The following NDRG3 variants were observed in gnomAD, a reference collection of about 807,000 sequenced individuals.
NDRG3 encodes the protein NDRG family member 3, also known as protein NDRG3.
A neutral mutation model predicts 57.2 loss-of-function variants in NDRG3; 23 were observed. The ratio of observed to expected loss-of-function variants is 0.40; its 90% CI spans 0.29 to 0.57. The LOEUF (loss-of-function observed/expected upper bound fraction) is 0.57. Among genes scored for constraint, NDRG3 ranks in the 20% least tolerant of loss-of-function variants. NDRG3 has a pLI of 0.42. For synonymous variants in NDRG3, 132 were observed against 162.6 expected (o/e 0.81, Z 1.43); for missense variants, 384 against 457.3 (o/e 0.84, Z 1.46).
chr20:36,710,322 CATAA>C (rs1046792564), intron 2 of NDRG3, among the ~76,000 whole-genome samples: 13 of 151,698 alleles, frequency 8.6e-5, no homozygotes, highest in Admixed American at 3.9e-4. Flanking sequence ...GATCCTGTCT[CATAA>C]ATAAATAAAC....
At chr20:36,712,319 G>C (rs1983933255) in intron 2 of NDRG3, among the ~76,000 whole-genome samples, 1 of 150,600 alleles carries the variant, frequency 6.6e-6, no homozygotes, top group Non-Finnish European at 1.5e-5. Flanking sequence ...GTTCAGTACT[G>C]CTCATTGGGG....
chr20:36,672,794 A>C (rs1302559460), intron 8 of NDRG3, among the ~76,000 whole-genome samples: 1 of 150,790 alleles, frequency 6.6e-6, no homozygotes, highest in African/African-American at 2.4e-5. Context: ...ATGCCACTGC[A>C]CTCCGCCCTG....
intron 2 of NDRG3, among the ~76,000 whole-genome samples, chr20:36,719,605 G>A (rs1338442227): frequency 6.6e-6 from 1 of 151,888 alleles, no homozygotes; most frequent in Non-Finnish European, 1.5e-5. Context: ...GCAGGTGAAG[G>A]GCCTTGCCTT....
intron 2 of NDRG3, among the ~76,000 whole-genome samples, chr20:36,715,422 T>C (rs1984215140): frequency 6.6e-6 from 1 of 151,866 alleles, no homozygotes; most frequent in African/African-American, 2.4e-5. Context: ...ACACTAGATG[T>C]AGCACTTCAT....
intron 4 of NDRG3, 136 bp downstream of exon 4, chr20:36,688,543 G>A (rs1016734775): frequency 4.6e-5 from 30 of 655,780 alleles, no homozygotes; most frequent in Admixed American, 3.8e-4. Context: ...TACCATTAAC[G>A]AATGTAGGAA....
At chr20:36,737,161 C>G (rs984131633) in intron 1 of NDRG3, among the ~76,000 whole-genome samples, 1 of 152,126 alleles carries the variant, frequency 6.6e-6, no homozygotes, top group African/African-American at 2.4e-5. Flanking sequence ...TAGAACAAAG[C>G]AAGACCCATC....
chr20:36,733,163 A>ATACATAT (rs1179456662), intron 1 of NDRG3, among the ~76,000 whole-genome samples: 3 of 45,540 alleles, frequency 6.6e-5, no homozygotes, highest in Non-Finnish European at 1.3e-4. Flanking sequence ...AAAAAAAAAA[A>ATACATAT]AAAAAAAAAT....
At chr20:36,721,003 T>G (rs967160296) in intron 2 of NDRG3, among the ~76,000 whole-genome samples, 4 of 151,816 alleles carry the variant, frequency 2.6e-5, no homozygotes, top group Admixed American at 1.3e-4. Context: ...CTCAAACTCC[T>G]GACCTCAAGT....
intron 9 of NDRG3, among the ~76,000 whole-genome samples, chr20:36,666,956 C>T (rs905577815): frequency 2.6e-5 from 4 of 152,172 alleles, no homozygotes; most frequent in Non-Finnish European, 4.4e-5. Context: ...GCCTCAGCCT[C>T]CTGAATAGCT....
rs535515376 is a variant in NDRG3 at position 36,723,053 on chromosome 20, A to G, written c.-48-1270T>C. 2.6e-5 allele frequency among the ~76,000 whole-genome samples: 4 copies of G among 152,298 alleles called. No individual in the cohort carries two copies. The South Asian group carries it at 8.3e-4, about 32-fold the overall frequency. ...GAGTTACCTTGCAAATGAATCCTCC[A>G]GCCCCAGTCAAGAGTTCGGATAGCT... On this transcript the variant is annotated intron_variant, in intron 1 of 15. Coordinates refer to ENST00000349004, the MANE Select transcript of NDRG3 (RefSeq NM_032013.4).
At position 36,689,009 on chromosome 20, in the gene NDRG3, AC is replaced by A. The variant is rs559831000; in HGVS notation, c.94-226del. Among the ~76,000 whole-genome samples, 34 of 152,250 alleles carry A rather than the reference AC, an allele frequency of 2.2e-4. No individual in the cohort carries two copies. In the South Asian group the frequency reaches 6.6e-3, roughly 30 times the overall value. ...AGGACTTTGAGGATCAGCCTGGCCA[AC>A]ATGATGAAACCCTGTCTTTACTAAA... On this transcript the variant is annotated intron_variant, in intron 3 of 15. Coordinates refer to ENST00000349004, the MANE Select transcript of NDRG3 (RefSeq NM_032013.4).
At chr20:36,725,065 G>T (rs190814318) in intron 1 of NDRG3, among the ~76,000 whole-genome samples, 1 of 152,046 alleles carries the variant, frequency 6.6e-6, no homozygotes, top group African/African-American at 2.4e-5. Flanking sequence ...GGAGGCCGAG[G>T]CAGGTGGATC....
Position 36,659,661 on chromosome 20 carries a change from T to G in NDRG3, c.858+676A>C, listed in dbSNP as rs570900136. On this transcript the variant is annotated intron_variant, in intron 13 of 15. Transcript: ENST00000349004. ...TGTCGCCCAGGCTAGAGTGCAGTGG[T>G]GCAATCTCAGCTCACTGCAACCTCC... is the stretch of plus-strand genomic sequence containing the variant. 2.4e-4 allele frequency among the ~76,000 whole-genome samples: 36 copies of G among 152,140 alleles called. No individual in the cohort carries two copies. The East Asian group carries it at 7.1e-3, about 30-fold the overall frequency.
In NDRG3 at chr20:36,688,799, T is replaced by C. The variant is rs761570677; in HGVS notation, c.94-15A>G. The C allele has an allele frequency of 1.1e-5, 18 of 1,592,030 alleles. No homozygotes were observed. In the South Asian group the frequency reaches 1.5e-4, roughly 14 times the overall value. On this transcript the variant is annotated splice_polypyrimidine_tract_variant and intron_variant, in intron 3 of 15. Transcript: ENST00000349004. ...ATATCATGTTCCTGTAACAAGAGAA[T>C]GTAAGTTCTCAGAAAAAGCAGAATG...
intron 2 of NDRG3, among the ~76,000 whole-genome samples, chr20:36,710,080 G>T (rs1983776368): frequency 6.6e-6 from 1 of 152,158 alleles, no homozygotes; most frequent in South Asian, 2.1e-4. Context: ...ATCACTTTGG[G>T]AGGCTGAGGC....
At chr20:36,711,278 C>CAA (rs538568446) in intron 2 of NDRG3, among the ~76,000 whole-genome samples, 1 of 141,792 alleles carries the variant, frequency 7.1e-6, no homozygotes, top group South Asian at 2.2e-4. Flanking sequence ...GACTCCGTCT[C>CAA]AAAAAAAAAA....
intron 6 of NDRG3, among the ~76,000 whole-genome samples, chr20:36,683,675 T>C (rs397819): frequency 0.34 from 50,479 of 148,134 alleles, 9,026 homozygotes; most frequent in Middle Eastern, 0.44. Flanking sequence ...CATATATATA[T>C]ACACACACAT....
rs772130372 is a variant in NDRG3 at position 36,660,323 on chromosome 20, A to C, written c.858+14T>G. The C allele has an allele frequency of 1.9e-6, 3 of 1,594,394 alleles. No homozygotes were observed. In the South Asian group the frequency reaches 3.3e-5, roughly 18 times the overall value. ...ACATATAAGGGTTGGAAGTGAGGGA[A>C]GAAGGCACATTACCTTTAGCAAAGT... On this transcript the variant is annotated intron_variant, in intron 13 of 15. Coordinates refer to ENST00000349004, the MANE Select transcript of NDRG3 (RefSeq NM_032013.4).
intron 12 of NDRG3, 47 bp from the exon 13 acceptor site, chr20:36,660,431 A>G (rs1449181365): frequency 2.8e-6 from 4 of 1,417,716 alleles, no homozygotes; most frequent in South Asian, 1.2e-5. Context: ...AGTTGCTAGG[A>G]AAAAAAACGA....
Sources: allele counts gnomAD v4.1 joint callset (sites outside exome capture counted in the v4.1 genomes callset), GRCh38; gene constraint gnomAD v4.1.1; transcripts MANE v1.5; gene names NCBI Gene and HGNC (gene_info 2026-07-23, HGNC 2026-07-21).